Variants in SERPINI1 observed in about 807,000 individuals in gnomAD.
The protein encoded by SERPINI1 is neuroserpin.
Under a neutral mutation model 41.1 loss-of-function variants are expected in SERPINI1, and 19 were observed. That is an observed-to-expected ratio of 0.46 (90% confidence interval 0.32 to 0.68). The LOEUF (loss-of-function observed/expected upper bound fraction) is 0.68, where lower values mean the gene tolerates loss of function less well. Ranked by LOEUF, SERPINI1 falls within the 30% of genes least tolerant of loss-of-function variation. The probability of loss-of-function intolerance (pLI) is 0.03; values close to 1 mark genes in which losing one functional copy is unlikely to be tolerated. For missense variants in SERPINI1, 460 were observed against 479.2 expected, an observed-to-expected ratio of 0.96 and a Z score of 0.37; for synonymous variants, 138 against 156.6, an observed-to-expected ratio of 0.88 and a Z score of 0.89.
At chr3:167,803,985 T>C (rs915949063) in intron 5 of SERPINI1, among the ~76,000 whole-genome samples, 11 of 152,194 alleles carry the variant, frequency 7.2e-5, no homozygotes, top group South Asian at 2.1e-4. Flanking sequence ...CACATAAGTG[T>C]TCAAAAATAA....
intron 1 of SERPINI1, among the ~76,000 whole-genome samples, chr3:167,741,736 C>A (rs1403156876): frequency 6.6e-6 from 1 of 152,166 alleles, no homozygotes; most frequent in African/African-American, 2.4e-5. Context: ...ATTCAACCTT[C>A]CAGTTAAGAA....
At chr3:167,738,305 T>C (rs780537266) in intron 1 of SERPINI1, among the ~76,000 whole-genome samples, 1 of 152,158 alleles carries the variant, frequency 6.6e-6, no homozygotes, top group Admixed American at 6.5e-5. Context: ...CCAAAAACCT[T>C]GGTTAATTTC....
At chr3:167,769,214 A>G (rs541090857) in intron 1 of SERPINI1, among the ~76,000 whole-genome samples, 39 of 152,096 alleles carry the variant, frequency 2.6e-4, no homozygotes, top group African/African-American at 9.2e-4. Context: ...GGATGGTCTC[A>G]ATCTCTTGAC....
chr3:167,782,418 A>AT (rs1181658495), intron 1 of SERPINI1, among the ~76,000 whole-genome samples: 1 of 152,188 alleles, frequency 6.6e-6, no homozygotes, highest in Non-Finnish European at 1.5e-5. Context: ...CTCAAAGTAG[A>AT]TTAGCCTTAA....
chr3:167,786,321 G>A (rs570646669), intron 1 of SERPINI1, among the ~76,000 whole-genome samples: 3 of 151,946 alleles, frequency 2.0e-5, no homozygotes, highest in African/African-American at 7.2e-5. Flanking sequence ...TGGCCAACAT[G>A]GTGAAACCCC....
rs902125519 is a variant in SERPINI1, at chr3:167,818,865, A to G, written c.980-4121A>G. Among the ~76,000 whole-genome samples, 4 of 152,214 alleles carry G rather than the reference A, an allele frequency of 2.6e-5. No individual in the cohort carries two copies. The South Asian group carries it at 6.2e-4, about 24-fold the overall frequency. On this transcript the variant is annotated intron_variant, in intron 6 of 8. Transcript: ENST00000446050. ...TCAAGCCTCATAGCTATTGGAGGCAATTTCCTATGTGCAAATTGATGTAGT... is the reference window on the plus strand; with the variant it reads ...TCAAGCCTCATAGCTATTGGAGGCAGTTTCCTATGTGCAAATTGATGTAGT...
intron 1 of SERPINI1, among the ~76,000 whole-genome samples, chr3:167,770,870 T>C (rs1726726374): frequency 6.6e-6 from 1 of 152,210 alleles, no homozygotes; most frequent in South Asian, 2.1e-4. Flanking sequence ...TTGAAACTGA[T>C]CAACTGTCCT....
intron 1 of SERPINI1, among the ~76,000 whole-genome samples, chr3:167,762,504 G>A (rs1352878208): frequency 6.6e-6 from 1 of 151,966 alleles, no homozygotes; most frequent in Non-Finnish European, 1.5e-5. Flanking sequence ...GTCTAATGAG[G>A]CTTTCAGTTT....
chr3:167,811,361 G>A (rs1429173338), intron 6 of SERPINI1, among the ~76,000 whole-genome samples: 1 of 151,032 alleles, frequency 6.6e-6, no homozygotes, highest in African/African-American at 2.4e-5. Flanking sequence ...ATCCTATACT[G>A]GAGAAAGCAT....
At chr3:167,799,039 A>AT (rs1470928197) in intron 5 of SERPINI1, among the ~76,000 whole-genome samples, 4 of 151,992 alleles carry the variant, frequency 2.6e-5, no homozygotes, top group Admixed American at 1.3e-4. Flanking sequence ...CTTTATATAT[A>AT]TTTTTTGAGC....
intron 1 of SERPINI1, among the ~76,000 whole-genome samples, chr3:167,786,803 G>A (rs1030463335): frequency 1.3e-5 from 2 of 151,940 alleles, no homozygotes; most frequent in African/African-American, 2.4e-5. Flanking sequence ...CTTTTTGACC[G>A]TTTTGTAATG....
intron 5 of SERPINI1, among the ~76,000 whole-genome samples, chr3:167,802,033 C>G (rs1727915562): frequency 6.6e-6 from 1 of 151,960 alleles, no homozygotes; most frequent in Non-Finnish European, 1.5e-5. Context: ...GGAAAGGATT[C>G]CCTATTTAAT....
At chr3:167,804,024 CA>C (rs1202083148) in intron 5 of SERPINI1, among the ~76,000 whole-genome samples, 4 of 152,200 alleles carry the variant, frequency 2.6e-5, no homozygotes, top group African/African-American at 9.6e-5. Flanking sequence ...CGCATACACA[CA>C]TAAACATTTT....
chr3:167,818,637 C>A (rs1354802911), intron 6 of SERPINI1, among the ~76,000 whole-genome samples: 1 of 151,828 alleles, frequency 6.6e-6, no homozygotes, highest in East Asian at 1.9e-4. Context: ...TGAGAATAAC[C>A]CTTAGCATCT....
In SERPINI1 at chr3:167,757,791, C is replaced by T. The variant is rs542659723; in HGVS notation, c.-19+21968C>T. On this transcript the variant is annotated intron_variant, in intron 1 of 8. Transcript: ENST00000446050. The stretch of plus-strand genomic sequence containing the variant: ...AAAATTAGCTGAGCTTGGTGGCCTG[C>T]GCCTGTAATCCCAGCTACTCGGGAG... Among the ~76,000 whole-genome samples the T allele has an allele frequency of 1.2e-3, 186 of 152,030 alleles. 1 individual carries two copies. The highest frequency in any genetic ancestry group is 0.01 in the Middle Eastern group (3 of 294).
At chr3:167,747,342 C>G (rs759839302) in intron 1 of SERPINI1, among the ~76,000 whole-genome samples, 2 of 151,986 alleles carry the variant, frequency 1.3e-5, no homozygotes, top group Non-Finnish European at 2.9e-5. Context: ...GCTTGATGAA[C>G]TTCTTAAAAA....
intron 1 of SERPINI1, among the ~76,000 whole-genome samples, chr3:167,755,473 C>T (rs948404534): frequency 6.6e-6 from 1 of 151,978 alleles, no homozygotes; most frequent in Non-Finnish European, 1.5e-5. Flanking sequence ...TCAAAAGGGC[C>T]CATTAAGATA....
chr3:167,763,088 A>T (rs990427273), intron 1 of SERPINI1, among the ~76,000 whole-genome samples: 1 of 152,150 alleles, frequency 6.6e-6, no homozygotes, highest in African/African-American at 2.4e-5. Flanking sequence ...TACCTAAATC[A>T]TTCATTCAGC....
chr3:167,797,766 C>T (rs546448701), intron 5 of SERPINI1, among the ~76,000 whole-genome samples: 5 of 150,610 alleles, frequency 3.3e-5, no homozygotes, highest in Non-Finnish European at 7.4e-5. Flanking sequence ...TGATAATTGA[C>T]ATTTATATAC....
Sources: allele counts gnomAD v4.1 joint callset (sites outside exome capture counted in the v4.1 genomes callset), GRCh38; gene constraint gnomAD v4.1.1; transcripts MANE v1.5; gene names NCBI Gene and HGNC (gene_info 2026-07-23, HGNC 2026-07-21).